The following GAD1 variants were observed in gnomAD, a reference collection of about 807,000 sequenced individuals.
GAD1 encodes the protein glutamate decarboxylase 1.
A neutral mutation model predicts 75.2 loss-of-function variants in GAD1; 35 were observed. That is an observed-to-expected ratio of 0.47 (90% CI 0.36 to 0.62). The LOEUF (loss-of-function observed/expected upper bound fraction) is 0.62. GAD1 is among the 20% of genes least tolerant of loss of function. The pLI is 0.00. For synonymous variants in GAD1, 257 were observed against 271.9 expected (o/e 0.95, Z 0.54); for missense variants, 490 against 758.5 (o/e 0.65, Z 4.16).
At position 170,853,477 on chromosome 2, in the gene GAD1, C is replaced by A; in HGVS notation, c.1264-396C>A. 3.8e-6 allele frequency: 1 copy of A among 264,766 alleles called. No homozygotes were observed. The highest frequency in any genetic ancestry group is 4.9e-5 in the South Asian group (1 of 20,374). 16.4% of individuals were successfully genotyped at this position (264,766 alleles called of 1,614,324 possible). On this transcript the variant is annotated intron_variant, in intron 13 of 16. Transcript: ENST00000358196. The surrounding 1 kb of genome is among the most constrained non-coding windows in gnomAD (Gnocchi z 4.1). ...AGGAGGTCCTGGAAAGGTTGGAAGA[C>A]TTTTGCCAGAGCGCTTTTGGAGAGA...
At chr2:170,834,992 G>T (rs893991956) in intron 5 of GAD1, among the ~76,000 whole-genome samples, 1 of 151,944 alleles carries the variant, frequency 6.6e-6, no homozygotes. Context: ...GGCTGGTCTC[G>T]AACTCCTGAC....
At chr2:170,814,299 T>G (rs1701658531), upstream of GAD1, among the ~76,000 whole-genome samples, 2 of 152,120 alleles carry the variant, frequency 1.3e-5, no homozygotes, top group African/African-American at 4.8e-5. Flanking sequence ...TCTGGTGGGT[T>G]GGCCCATAGC....
intron 6 of GAD1, among the ~76,000 whole-genome samples, chr2:170,842,232 A>G (rs1702533510): frequency 6.6e-6 from 1 of 152,122 alleles, no homozygotes; most frequent in South Asian, 2.1e-4. Flanking sequence ...TCCCTTGTCC[A>G]TGTGGTTCCT....
At chr2:170,836,923 T>C (rs750789576) in intron 6 of GAD1, 40 bp downstream of exon 6, 1 of 1,379,924 alleles carries the variant, frequency 7.2e-7, no homozygotes, top group Non-Finnish European at 1.0e-6. Flanking sequence ...CCCTGATGTA[T>C]GACTATGGCT....
rs79439512 is a variant in GAD1, at chr2:170,832,658, G to A, written c.547+1466G>A. Among the ~76,000 whole-genome samples the A allele has an allele frequency of 6.3e-3, 230 of 36,372 alleles. 2 individuals carry two copies. The highest frequency in any genetic ancestry group is 0.012 in the Middle Eastern group (1 of 84). The allele number at this position is 36,372 out of a possible 152,430, so 23.9% of individuals were successfully genotyped here. A position where few individuals can be genotyped will look rare whatever the true frequency, so the allele number is the denominator to read the frequency against. On this transcript the variant is annotated intron_variant, in intron 5 of 16. Coordinates refer to ENST00000358196, the MANE Select transcript of GAD1 (RefSeq NM_000817.3). ...AAAAGACACAGGCACACATGCGCGC[G>A]CGCGCGCACACACACACACACACAC...
chr2:170,814,980 G>A (rs45593035), upstream of GAD1, among the ~76,000 whole-genome samples: 5,771 of 152,230 alleles, frequency 0.038, 149 homozygotes, highest in Non-Finnish European at 0.055. Flanking sequence ...CGTCTATGCT[G>A]GACAATGAAG....
In GAD1 at chr2:170,831,008, G is replaced by A. The variant is rs1702206417; in HGVS notation, c.363G>A (p.Val121=). ...CCGTGCAATTCCTCCTGGAAGTGGT[G>A]GACATACTCCTCAACTATGTCCGCA... ...EQTVQFLLEV[V]DILLNYVRKT... is the part of the protein sequence containing the mutation. Residue 121 remains valine (V), a synonymous_variant, in exon 5 of 17, where the codon GTG becomes GTA. Coordinates refer to ENST00000358196, the MANE Select transcript of GAD1 (RefSeq NM_000817.3). 6.2e-7 allele frequency: 1 copy of A among 1,614,150 alleles called. No individual in the cohort carries two copies. Among genetic ancestry groups the A allele is most frequent in the Non-Finnish European group, 8.5e-7 (1 of 1,180,032 alleles).
At chr2:170,832,708 C>T (rs188653485) in intron 5 of GAD1, among the ~76,000 whole-genome samples, 148 of 147,432 alleles carry the variant, frequency 1.0e-3, no homozygotes, top group African/African-American at 3.5e-3. Flanking sequence ...ACACACATGC[C>T]TTCTCATTCT....
chr2:170,847,825 G>C (rs368995767), intron 11 of GAD1, 33 bp downstream of exon 11: 23 of 1,409,958 alleles, frequency 1.6e-5, no homozygotes, highest in South Asian at 1.0e-4. Flanking sequence ...CAGTCCATGT[G>C]GGGGGTGGAG....
At position 170,860,137 on chromosome 2, in the gene GAD1, T is replaced by G; in HGVS notation, c.*255T>G. ...ATACCTCTCTCTATATATACATGTA[T>G]AGTGAGTGTGGCTTAGTAATAGATC... On this transcript the variant is annotated 3_prime_UTR_variant, in exon 17 of 17. Transcript: ENST00000358196. 1 of 446,366 alleles carries G rather than the reference T, an allele frequency of 2.2e-6. No homozygotes were observed. Among genetic ancestry groups the G allele is most frequent in the South Asian group, 2.5e-5 (1 of 40,732 alleles). The allele number at this position is 446,366 out of a possible 1,614,324, so 27.7% of individuals were successfully genotyped here. A position where few individuals can be genotyped will look rare whatever the true frequency, so the allele number is the denominator to read the frequency against.
At chr2:170,849,042 G>A (rs1702696822) in intron 11 of GAD1, 2 of 569,688 alleles carry the variant, frequency 3.5e-6, no homozygotes, top group Non-Finnish European at 6.4e-6. Flanking sequence ...GGCACCTCAG[G>A]CTCAGACCTG....
chr2:170,826,762 G>A (rs1702035271), intron 3 of GAD1, among the ~76,000 whole-genome samples: 1 of 152,080 alleles, frequency 6.6e-6, no homozygotes, highest in Non-Finnish European at 1.5e-5. Context: ...CAGAGTGGAG[G>A]TTCAGCTGGG....
chr2:170,836,956 C>T lies in GAD1; in HGVS notation c.638+73C>T, dbSNP rs1702392439. ...GCTTGTTGCTTTAAAAGTTCAGTCC[C>T]AGTGGTTCTATTTTATTAAAGTTTC... On this transcript the variant is annotated intron_variant, in intron 6 of 16. Coordinates refer to ENST00000358196, the MANE Select transcript of GAD1 (RefSeq NM_000817.3). The T allele has an allele frequency of 5.9e-6, 6 of 1,023,644 alleles. No homozygotes were observed. The African/African-American group carries it at 6.3e-5, about 11-fold the overall frequency. The allele number at this position is 1,023,644 out of a possible 1,614,324, so 63.4% of individuals were successfully genotyped here. A position where few individuals can be genotyped will look rare whatever the true frequency, so the allele number is the denominator to read the frequency against.
intron 15 of GAD1, among the ~76,000 whole-genome samples, chr2:170,858,151 T>A (rs1702892314): frequency 6.6e-6 from 1 of 152,108 alleles, no homozygotes; most frequent in Admixed American, 6.5e-5. Context: ...AAATGTGATA[T>A]CTCAAACCAA....
Position 170,844,366 on chromosome 2 carries a change from T to G in GAD1, c.751+209T>G, listed in dbSNP as rs1702585779. Among the ~76,000 whole-genome samples, 3 of 152,056 alleles carry G rather than the reference T, an allele frequency of 2.0e-5. No homozygotes were observed. The South Asian group carries it at 6.2e-4, about 32-fold the overall frequency. On this transcript the variant is annotated intron_variant, in intron 7 of 16. Transcript: ENST00000358196. ...TAAATCTGTAAAAACTGACAAAGGC[T>G]GTGTCTAGATAATGCTAAATAACCC...
At chr2:170,827,821 C>G (rs1032146239) in intron 3 of GAD1, among the ~76,000 whole-genome samples, 3 of 152,178 alleles carry the variant, frequency 2.0e-5, no homozygotes, top group East Asian at 1.9e-4. Context: ...AACAGGTGCT[C>G]AATAAGTACT....
Position 170,822,068 on chromosome 2 carries a change from T to G in GAD1, c.83-19T>G. The G allele has an allele frequency of 1.9e-6, 3 of 1,600,006 alleles. No individual in the cohort carries two copies. Among genetic ancestry groups the G allele is most frequent in the Non-Finnish European group, 1.7e-6 (2 of 1,173,494 alleles). ...CGGAACCTCCCTAACCGAACCTCTC[T>G]CCCTCTCTCTCGTCCTAGCGTACGA... On this transcript the variant is annotated intron_variant, in intron 2 of 16. Transcript: ENST00000358196.
chr2:170,852,867 CTT>C, intron 13 of GAD1, 75 bp downstream of exon 13: 4 of 1,246,756 alleles, frequency 3.2e-6, no homozygotes, highest in Admixed American at 1.7e-5. Flanking sequence ...CGTGGGGTCT[CTT>C]TGCAGTACTT....
At chr2:170,843,354 T>G (rs974698460) in intron 6 of GAD1, among the ~76,000 whole-genome samples, 2 of 152,254 alleles carry the variant, frequency 1.3e-5, no homozygotes, top group African/African-American at 2.4e-5. Context: ...GTTGACCGTC[T>G]TCTTGTTATT....
Sources: gnomAD v4.1 joint callset for allele counts (sites outside exome capture counted in the v4.1 genomes callset) on GRCh38, gnomAD v4.1.1 for gene constraint, Gnocchi (gnomAD v3.1) non-coding constraint, MANE v1.5 for transcripts, NCBI Gene and HGNC (gene_info 2026-07-23, HGNC 2026-07-21) for gene names.